Variants in VASP observed in about 807,000 individuals in gnomAD.
The protein encoded by VASP is vasodilator-stimulated phosphoprotein.
A neutral mutation model predicts 54.4 loss-of-function variants in VASP; 27 were observed. That is an observed-to-expected ratio of 0.50 (90% CI 0.37 to 0.68). VASP has a LOEUF of 0.68. VASP is among the 30% of genes least tolerant of loss of function. The probability of loss-of-function intolerance (pLI) is 0.00; values close to 1 mark genes in which losing one functional copy is unlikely to be tolerated. For synonymous variants in VASP, 233 were observed against 209.8 expected (o/e 1.11, Z -0.96); for missense variants, 488 against 528.3 (o/e 0.92, Z 0.75).
Position 45,522,411 on chromosome 19 carries a change from C to A in VASP, c.550C>A (p.Pro184Thr). Residue 184 changes from proline to threonine, a missense_variant, in exon 6 of 13, where the codon CCA (proline) becomes ACA (threonine). Pro to Thr is a conservative substitution (Grantham distance 38). Transcript: ENST00000245932. Reference sequence around the variant, plus strand: ...ACCTCCCCCTCCTCCAGGTCCCCCCCCACCCCCAGGTTTGCCCCCTTCGGG... The same window carrying A: ...ACCTCCCCCTCCTCCAGGTCCCCCCACACCCCCAGGTTTGCCCCCTTCGGG... ...PGPPPPPGPP[P>T]PPGLPPSGVP... 1 of 1,532,626 alleles carries A rather than the reference C, an allele frequency of 6.5e-7. No homozygotes were observed. Among genetic ancestry groups the A allele is most frequent in the East Asian group, 2.4e-5 (1 of 40,906 alleles). The allele number at this position is 1,532,626 out of a possible 1,614,324, so 94.9% of individuals were successfully genotyped here.
intron 3 of VASP, among the ~76,000 whole-genome samples, chr19:45,518,556 G>A (rs562489080): frequency 1.3e-4 from 20 of 152,186 alleles, no homozygotes; most frequent in African/African-American, 1.7e-4. Context: ...GCAAGATTCC[G>A]TCTCAGAAAG....
Position 45,526,314 on chromosome 19 carries a change from A to C in VASP, c.*137A>C, listed in dbSNP as rs1255536600. On this transcript the variant is annotated 3_prime_UTR_variant, in exon 13 of 13. Coordinates refer to ENST00000245932, the MANE Select transcript of VASP (RefSeq NM_003370.4). Reference sequence around the variant, plus strand: ...GTTCCCACTCCCCATCCCACTTGGAAAACTCCAAGGGGGTGTGGCTTCCCT... The same window carrying C: ...GTTCCCACTCCCCATCCCACTTGGACAACTCCAAGGGGGTGTGGCTTCCCT... The C allele has an allele frequency of 9.0e-7, 1 of 1,115,760 alleles. No individual in the cohort carries two copies. The highest frequency in any genetic ancestry group is 1.2e-6 in the Non-Finnish European group (1 of 813,374). The allele number at this position is 1,115,760 out of a possible 1,614,324, so 69.1% of individuals were successfully genotyped here.
At chr19:45,516,958 C>G (rs539672518) in intron 1 of VASP, among the ~76,000 whole-genome samples, 1 of 116,786 alleles carries the variant, frequency 8.6e-6, no homozygotes, top group African/African-American at 3.4e-5. Context: ...GAGGACAGCC[C>G]GGGTGACAGA....
chr19:45,519,922 T>TTTTTTTTTA lies in VASP; in HGVS notation c.344-1400_344-1399insTTTTTTTTA, dbSNP rs57222956. On this transcript the variant is annotated intron_variant, in intron 3 of 12. Transcript: ENST00000245932. ...TTTTTTTTTTTTTTTTTTTTTTTTT[T>TTTTTTTTTA]AATATGGAGTCTCACTCTGTCTCTC... is the stretch of plus-strand genomic sequence containing the variant. 7.6e-4 allele frequency among the ~76,000 whole-genome samples: 78 copies of TTTTTTTTTA among 102,322 alleles called. 8 individuals are homozygous for TTTTTTTTTA. Among genetic ancestry groups the TTTTTTTTTA allele is most frequent in the Non-Finnish European group, 8.7e-4 (47 of 54,068 alleles). 67.1% of individuals were successfully genotyped at this position (102,322 alleles called of 152,430 possible). A position where few individuals can be genotyped will look rare whatever the true frequency, so the allele number is the denominator to read the frequency against.
intron 8 of VASP, 49 bp from the exon 9 acceptor site, chr19:45,523,792 G>A: frequency 6.2e-7 from 1 of 1,614,082 alleles, no homozygotes; most frequent in Non-Finnish European, 8.5e-7. Context: ...AGAGGAAATG[G>A]GCAGAGGTGT....
chr19:45,524,533 A>C, intron 10 of VASP, 37 bp from the exon 11 acceptor site: 2 of 1,597,122 alleles, frequency 1.3e-6, no homozygotes, highest in Non-Finnish European at 1.7e-6. Context: ...CCTCTCTCTA[A>C]TCTCATTGCT....
intron 1 of VASP, among the ~76,000 whole-genome samples, chr19:45,512,028 C>T (rs544935246): frequency 3.3e-5 from 5 of 152,126 alleles, no homozygotes; most frequent in Non-Finnish European, 7.4e-5. Flanking sequence ...CGCTTGAACT[C>T]GGGAAGTGGA....
At chr19:45,524,981 T>C (rs1399357159) in intron 11 of VASP, 1 of 266,446 alleles carries the variant, frequency 3.8e-6, no homozygotes, top group Admixed American at 4.5e-5. Flanking sequence ...CTGGATGTTC[T>C]CCAGTACTTT....
At chr19:45,513,489 T>G (rs1599930108) in intron 1 of VASP, among the ~76,000 whole-genome samples, 1 of 113,276 alleles carries the variant, frequency 8.8e-6, no homozygotes, top group African/African-American at 3.3e-5. Context: ...TTTTTTTTTT[T>G]GAGACAGAGT....
chr19:45,517,455 C>G (rs1018124091), intron 1 of VASP, among the ~76,000 whole-genome samples: 1 of 151,854 alleles, frequency 6.6e-6, no homozygotes, highest in South Asian at 2.1e-4. Flanking sequence ...GCGTCTGTCT[C>G]TTGCATCTCG....
chr19:45,519,011 T>C (rs1476554761), intron 3 of VASP, among the ~76,000 whole-genome samples: 2 of 150,158 alleles, frequency 1.3e-5, no homozygotes, highest in African/African-American at 4.9e-5. Flanking sequence ...TTTTTGTATT[T>C]TGTTTTTATT....
chr19:45,521,950 G>C (rs1441066890), intron 4 of VASP, among the ~76,000 whole-genome samples: 1 of 152,016 alleles, frequency 6.6e-6, no homozygotes, highest in Non-Finnish European at 1.5e-5. Context: ...TAGTGACTGG[G>C]ATCTCGCATC....
chr19:45,522,625 TG>T, intron 6 of VASP, 44 bp downstream of exon 6: 2 of 1,525,886 alleles, frequency 1.3e-6, no homozygotes, highest in Non-Finnish European at 8.7e-7. Flanking sequence ...AGGGCTTTTA[TG>T]GGGGATGAGG....
Position 45,507,720 on chromosome 19 carries a change from G to T in VASP, c.-52G>T, listed in dbSNP as rs562715515. 823 of 1,513,636 alleles carry T rather than the reference G, an allele frequency of 5.4e-4. 14 individuals are homozygous for T. In the African/African-American group the frequency reaches 9.1e-3, roughly 17 times the overall value. The allele number at this position is 1,513,636 out of a possible 1,614,324, so 93.8% of individuals were successfully genotyped here. The stretch of plus-strand genomic sequence containing the variant: ...CGAACCCCTGAACCTCCAGCCAGGG[G>T]CGCCCCGGGAGCAGCCAGCCCGTGG... On this transcript the variant is annotated 5_prime_UTR_variant, in exon 1 of 13. Coordinates refer to ENST00000245932, the MANE Select transcript of VASP (RefSeq NM_003370.4). This position sits in a 1 kb window ranked among gnomAD's most constrained non-coding sequence, Gnocchi z 4.4.
At chr19:45,515,750 C>A (rs1302193894) in intron 1 of VASP, among the ~76,000 whole-genome samples, 1 of 152,126 alleles carries the variant, frequency 6.6e-6, no homozygotes, top group Non-Finnish European at 1.5e-5. Context: ...GTTGCCCAGG[C>A]TGGTCTCGAA....
Position 45,521,373 on chromosome 19 carries a change from G to A in VASP, c.395G>A (p.Gly132Asp). The A allele has an allele frequency of 6.3e-7, 1 of 1,580,060 alleles. No homozygotes were observed. The change falls in exon 4 of 13, where the codon GGC (glycine) becomes GAC (aspartate). Residue 132 changes from glycine to aspartate, a missense_variant. By Grantham distance (94) the Gly-to-Asp change is moderately conservative. Coordinates refer to ENST00000245932, the MANE Select transcript of VASP (RefSeq NM_003370.4). ...CTTCCCACCTGGTCGGTCCCGAACG[G>A]CCCCTCCCCGGAGGAGGTGGAGCAG... ...PALPTWSVPN[G>D]PSPEEVEQQK...
At position 45,507,741 on chromosome 19, in the gene VASP, C is replaced by A. The variant is rs1235389446; in HGVS notation, c.-31C>A. The A allele has an allele frequency of 6.6e-7, 1 of 1,511,554 alleles. No homozygotes were observed. Among genetic ancestry groups the A allele is most frequent in the Non-Finnish European group, 8.8e-7 (1 of 1,137,052 alleles). 93.6% of individuals were successfully genotyped at this position (1,511,554 alleles called of 1,614,324 possible). On this transcript the variant is annotated 5_prime_UTR_variant, in exon 1 of 13. Coordinates refer to ENST00000245932, the MANE Select transcript of VASP (RefSeq NM_003370.4). This position sits in a 1 kb window ranked among gnomAD's most constrained non-coding sequence, Gnocchi z 4.4. ...AGGGGCGCCCCGGGAGCAGCCAGCC[C>A]GTGGGCGAGCCGCCCGCCCGCCGAG...
chr19:45,520,032 G>A (rs1226096463), intron 3 of VASP, among the ~76,000 whole-genome samples: 3 of 150,824 alleles, frequency 2.0e-5, no homozygotes, highest in African/African-American at 7.3e-5. Flanking sequence ...CTCCTGAGTA[G>A]ATGGAACTAT....
chr19:45,521,170 G>A (rs1048353129), intron 3 of VASP, 152 bp from the exon 4 acceptor site: 16 of 753,004 alleles, frequency 2.1e-5, no homozygotes, highest in African/African-American at 1.1e-4. Context: ...CCCAATGTGC[G>A]TCCTCCTGGG....
Sources: allele counts gnomAD v4.1 joint callset (sites outside exome capture counted in the v4.1 genomes callset), GRCh38; gene constraint gnomAD v4.1.1; non-coding constraint Gnocchi (gnomAD v3.1); transcripts MANE v1.5; gene names NCBI Gene and HGNC (gene_info 2026-07-23, HGNC 2026-07-21).